Variants in SNX8 observed in about 807,000 individuals in gnomAD.
SNX8 encodes the protein sorting nexin-8.
Under a neutral mutation model 51.6 loss-of-function variants are expected in SNX8, and 25 were observed. That is an observed-to-expected ratio of 0.48 (90% CI 0.35 to 0.68). The LOEUF (loss-of-function observed/expected upper bound fraction) is 0.68, where lower values mean the gene tolerates loss of function less well. Among genes scored for constraint, SNX8 ranks in the 30% least tolerant of loss-of-function variants. The pLI is 0.00. For missense variants in SNX8, 695 were observed against 624.0 expected (o/e 1.11, Z -1.21); for synonymous variants, 324 against 277.0 (o/e 1.17, Z -1.68).
chr7:2,257,912 G>T, intron 7 of SNX8, 109 bp from the exon 8 acceptor site: 1 of 1,049,850 alleles, frequency 9.5e-7, no homozygotes, highest in South Asian at 1.4e-5. Context: ...CCCAGAGTCA[G>T]ACGGGCTCCC....
chr7:2,310,492 G>A (rs1297138995), intron 1 of SNX8, among the ~76,000 whole-genome samples: 2 of 152,050 alleles, frequency 1.3e-5, no homozygotes, highest in Non-Finnish European at 2.9e-5. Context: ...GCGTGGCTGG[G>A]CGCAGTGGTT....
rs147853805 is a variant in SNX8, at chr7:2,295,592, CAAAAAAAAAAA to C, written c.95-17298_95-17288del. 9.0e-3 allele frequency among the ~76,000 whole-genome samples: 839 copies of C among 93,560 alleles called. 15 individuals are homozygous for C. Among genetic ancestry groups the C allele is most frequent in the African/African-American group, 0.037 (762 of 20,828 alleles). The allele number at this position is 93,560 out of a possible 152,430, so 61.4% of individuals were successfully genotyped here. ...TGGTGGCAGGCGCCTGTAATCCCAG[CAAAAAAAAAAA>C]AAAAAAAAAAAAAAAGGAAATGTGT... On this transcript the variant is annotated intron_variant, in intron 1 of 10. Coordinates refer to ENST00000222990, the MANE Select transcript of SNX8 (RefSeq NM_013321.4).
chr7:2,264,510 G>C (rs1178923494), intron 5 of SNX8, 52 bp from the exon 6 acceptor site: 1 of 1,559,824 alleles, frequency 6.4e-7, no homozygotes, highest in Admixed American at 1.7e-5. Context: ...GGGAGCACCT[G>C]TCAGACGGCA....
intron 1 of SNX8, among the ~76,000 whole-genome samples, chr7:2,299,126 T>G (rs557235641): frequency 2.0e-5 from 3 of 152,190 alleles, no homozygotes; most frequent in Non-Finnish European, 4.4e-5. Flanking sequence ...CGGCATCTTG[T>G]TCTCATCAGG....
At chr7:2,337,132 G>T (rs1778845981) in intron 1 of SNX8, 1 of 152,132 alleles carries the variant, frequency 6.6e-6, no homozygotes, top group South Asian at 2.1e-4. Flanking sequence ...GCGTAGCTGT[G>T]AAGATTCTTT....
At chr7:2,304,045 T>C (rs1584723411) in intron 1 of SNX8, among the ~76,000 whole-genome samples, 1 of 149,022 alleles carries the variant, frequency 6.7e-6, no homozygotes. Flanking sequence ...CGGGCGCCTG[T>C]AGTCCCAGCT....
At chr7:2,333,699 C>T (rs1196764162) in intron 1 of SNX8, among the ~76,000 whole-genome samples, 1 of 152,122 alleles carries the variant, frequency 6.6e-6, no homozygotes, top group Admixed American at 6.6e-5. Context: ...TTTCAATAAA[C>T]GTGCCAAGGT....
At chr7:2,256,400 G>A (rs981896536) in intron 10 of SNX8, among the ~76,000 whole-genome samples, 6 of 152,274 alleles carry the variant, frequency 3.9e-5, no homozygotes, top group Non-Finnish European at 7.3e-5. Flanking sequence ...CAGCGGTGCT[G>A]CAGTGAGCTG....
Position 2,255,121 on chromosome 7 carries a change from C to G in SNX8, c.1333G>C (p.Ala445Pro), listed in dbSNP as rs1801077. 3,757 of 1,579,562 alleles carry G rather than the reference C, an allele frequency of 2.4e-3. 8 individuals are homozygous for G. The highest frequency in any genetic ancestry group is 2.9e-3 in the Non-Finnish European group (3,348 of 1,163,020). Residue 445 changes from alanine to proline, a missense_variant, in exon 11 of 11, where the codon GCG becomes CCG. Coordinates refer to ENST00000222990, the MANE Select transcript of SNX8 (RefSeq NM_013321.4). ...DLRPKLSCLF[A>P]GPHSTLTPPC... The stretch of plus-strand genomic sequence containing the variant: ...GGGGTCAGGGTGCTGTGTGGTCCCG[C>G]AAAGAGGCAGCTGAGCTTGGGCCTC...
chr7:2,266,406 G>A (rs1378760684), intron 5 of SNX8, among the ~76,000 whole-genome samples: 1 of 151,902 alleles, frequency 6.6e-6, no homozygotes, highest in Non-Finnish European at 1.5e-5. Flanking sequence ...GAGTGCAGTG[G>A]CGCAATCTTG....
intron 3 of SNX8, 139 bp from the exon 4 acceptor site, chr7:2,272,110 G>A: frequency 8.3e-7 from 1 of 1,208,362 alleles, no homozygotes. Context: ...GGCCCCCAGT[G>A]CTGCTCAGAC....
chr7:2,327,502 G>A (rs1778643768), intron 1 of SNX8, among the ~76,000 whole-genome samples: 1 of 151,800 alleles, frequency 6.6e-6, no homozygotes, highest in Admixed American at 6.6e-5. Flanking sequence ...CCGCATCTCT[G>A]GTTCATGCCA....
chr7:2,257,585 G>A (rs1795221242), intron 8 of SNX8, 71 bp from the exon 9 acceptor site: 1 of 1,586,732 alleles, frequency 6.3e-7, no homozygotes, highest in Non-Finnish European at 8.6e-7. Context: ...GCCGGCCGAG[G>A]GAAGCACCCC....
intron 1 of SNX8, among the ~76,000 whole-genome samples, chr7:2,352,936 T>G (rs191108917): frequency 3.3e-5 from 5 of 152,100 alleles, no homozygotes; most frequent in African/African-American, 7.2e-5. Context: ...GACAGCATGA[T>G]GAGGAGTAGT....
chr7:2,329,005 G>A (rs1188950035), intron 1 of SNX8, among the ~76,000 whole-genome samples: 2 of 151,814 alleles, frequency 1.3e-5, no homozygotes, highest in Non-Finnish European at 2.9e-5. Context: ...AGAATCATGT[G>A]AACCCGGGAG....
chr7:2,285,345 C>T (rs28568282), intron 1 of SNX8, among the ~76,000 whole-genome samples: 11 of 152,208 alleles, frequency 7.2e-5, no homozygotes, highest in Admixed American at 5.2e-4. Context: ...GCCAAGTTCG[C>T]GCCACTGCAT....
At chr7:2,301,801 C>CG (rs988334995) in intron 1 of SNX8, among the ~76,000 whole-genome samples, 1 of 152,162 alleles carries the variant, frequency 6.6e-6, no homozygotes. Context: ...CCTCCAGCGT[C>CG]GAGTTCTGTC....
intron 1 of SNX8, among the ~76,000 whole-genome samples, chr7:2,319,462 C>T (rs992375018): frequency 3.3e-5 from 5 of 151,058 alleles, no homozygotes; most frequent in Admixed American, 6.6e-5. Context: ...AAGTTCAAGA[C>T]AAGCTTGGCC....
chr7:2,255,176 G>A lies in SNX8; in HGVS notation c.1285-7C>T. ...CGTTCCACACCTTGCTCATCTGAAA[G>A]GGAAGCGAAGAGAACAAGATCAGCA... On this transcript the variant is annotated splice_polypyrimidine_tract_variant and splice_region_variant and intron_variant, in intron 10 of 10. Transcript: ENST00000222990. 6.6e-7 allele frequency: 1 copy of A among 1,517,434 alleles called. No homozygotes were observed. Among genetic ancestry groups the A allele is most frequent in the Non-Finnish European group, 8.9e-7 (1 of 1,122,356 alleles). The allele number at this position is 1,517,434 out of a possible 1,614,324, so 94.0% of individuals were successfully genotyped here.
Sources: gnomAD v4.1 joint callset for allele counts (sites outside exome capture counted in the v4.1 genomes callset) on GRCh38, gnomAD v4.1.1 for gene constraint, MANE v1.5 for transcripts, NCBI Gene and HGNC (gene_info 2026-07-23, HGNC 2026-07-21) for gene names.